Variants in ABTB3 observed in about 807,000 individuals in gnomAD.
The protein encoded by ABTB3 is ankyrin repeat- and BTB/POZ domain-containing protein 3.
At chr12:107,509,819 A>T in the ABTB3 span, among the ~76,000 whole-genome samples, 1 of 152,246 alleles carries the variant, frequency 6.6e-6, no homozygotes, top group Non-Finnish European at 1.5e-5. Context: ...TCTTAATCTG[A>T]TAATTTCCTG....
chr12:107,610,574 C>T, the ABTB3 span, among the ~76,000 whole-genome samples: 1 of 152,106 alleles, frequency 6.6e-6, no homozygotes, highest in Non-Finnish European at 1.5e-5. Context: ...ATGATCATTG[C>T]AGCTGAAATG....
the ABTB3 span, among the ~76,000 whole-genome samples, chr12:107,329,775 G>T: frequency 2.0e-5 from 3 of 152,180 alleles, no homozygotes; most frequent in Non-Finnish European, 4.4e-5. Flanking sequence ...CTATTGTGGG[G>T]TTTTATTATA....
the ABTB3 span, among the ~76,000 whole-genome samples, chr12:107,447,391 C>T: frequency 3.3e-5 from 5 of 152,280 alleles, no homozygotes; most frequent in East Asian, 9.7e-4. Flanking sequence ...ATCCACCCAC[C>T]TCGGCCTCCC....
the ABTB3 span, among the ~76,000 whole-genome samples, chr12:107,564,665 A>G: frequency 6.6e-6 from 1 of 152,330 alleles, no homozygotes; most frequent in South Asian, 2.1e-4. Flanking sequence ...TTTAGCACTG[A>G]CTGATGCGAA....
chr12:107,643,519 T>A, the ABTB3 span, among the ~76,000 whole-genome samples: 19 of 147,458 alleles, frequency 1.3e-4, no homozygotes, highest in Non-Finnish European at 2.4e-4. Flanking sequence ...GCCTGGGGAG[T>A]TGGCATACTC....
At chr12:107,638,036 T>G in the ABTB3 span, among the ~76,000 whole-genome samples, 1 of 152,066 alleles carries the variant, frequency 6.6e-6, no homozygotes. Context: ...TCTCAGGCCT[T>G]CTCCCCTGCA....
the ABTB3 span, among the ~76,000 whole-genome samples, chr12:107,401,111 C>T: frequency 2.0e-5 from 3 of 152,128 alleles, no homozygotes; most frequent in African/African-American, 7.2e-5. Context: ...TGGTTCTGAG[C>T]CTGGAGACAA....
At chr12:107,628,070 G>T in the ABTB3 span, among the ~76,000 whole-genome samples, 334 of 152,244 alleles carry the variant, frequency 2.2e-3, 1 homozygote, top group Non-Finnish European at 3.9e-3. Context: ...CACCTTTCCA[G>T]GTGTGCTCAC....
At chr12:107,370,080 T>G in the ABTB3 span, among the ~76,000 whole-genome samples, 20 of 152,238 alleles carry the variant, frequency 1.3e-4, no homozygotes, top group African/African-American at 4.6e-4. Flanking sequence ...AGCATAGCTT[T>G]CAGTAAACGT....
the ABTB3 span, among the ~76,000 whole-genome samples, chr12:107,637,494 G>A: frequency 6.6e-6 from 1 of 152,178 alleles, no homozygotes; most frequent in Non-Finnish European, 1.5e-5. Context: ...AGACCTGAGA[G>A]GCTCAAAGCT....
At chr12:107,583,742 G>A in the ABTB3 span, among the ~76,000 whole-genome samples, 1 of 152,144 alleles carries the variant, frequency 6.6e-6, no homozygotes, top group African/African-American at 2.4e-5. Context: ...TTCAGCATCT[G>A]TCCAGTTTGA....
At chr12:107,488,410 C>G in the ABTB3 span, among the ~76,000 whole-genome samples, 1 of 152,068 alleles carries the variant, frequency 6.6e-6, no homozygotes, top group Non-Finnish European at 1.5e-5. Flanking sequence ...GCCCAGATTT[C>G]TTTATCTGAA....
chr12:107,320,578 C>T, the ABTB3 span: 1 of 456,120 alleles, frequency 2.2e-6, no homozygotes, highest in East Asian at 7.0e-5. Context: ...GAAGGAGGGG[C>T]CTGGCGGCCG....
chr12:107,609,613 G>A, the ABTB3 span, among the ~76,000 whole-genome samples: 7 of 152,208 alleles, frequency 4.6e-5, no homozygotes, highest in African/African-American at 1.7e-4. Flanking sequence ...GGGATGGAGA[G>A]GCTCACCAGA....
chr12:107,474,710 G>A, the ABTB3 span, among the ~76,000 whole-genome samples: 1 of 152,094 alleles, frequency 6.6e-6, no homozygotes, highest in African/African-American at 2.4e-5. Context: ...GAGAACAATA[G>A]GAAAAGCCTT....
At chr12:107,469,920 TTC>T in the ABTB3 span, among the ~76,000 whole-genome samples, 715 of 102,026 alleles carry the variant, frequency 7.0e-3, 46 homozygotes, top group African/African-American at 0.028. Flanking sequence ...CTTTCTTTCT[TTC>T]TCTCTCTCTC....
chr12:107,556,056 T>C, the ABTB3 span, among the ~76,000 whole-genome samples: 2 of 152,178 alleles, frequency 1.3e-5, no homozygotes, highest in African/African-American at 4.8e-5. Context: ...CCTTAGCTCA[T>C]TGAATTCTCA....
chr12:107,427,866 G>A, the ABTB3 span, among the ~76,000 whole-genome samples: 2 of 152,234 alleles, frequency 1.3e-5, no homozygotes, highest in Non-Finnish European at 2.9e-5. Flanking sequence ...GAGGTGGTAT[G>A]AGCTCATGTG....
the ABTB3 span, among the ~76,000 whole-genome samples, chr12:107,477,861 G>C: frequency 6.6e-6 from 1 of 152,138 alleles, no homozygotes; most frequent in Non-Finnish European, 1.5e-5. Context: ...ACAGGACTCT[G>C]AGCTTCTAGG....
Sources: gnomAD v4.1 joint callset for allele counts (sites outside exome capture counted in the v4.1 genomes callset) on GRCh38, gnomAD v4.1.1 for gene constraint, MANE v1.5 for transcripts, NCBI Gene and HGNC (gene_info 2026-07-23, HGNC 2026-07-21) for gene names.